PTPRZ1: variants seen among roughly 807,000 people sequenced by gnomAD.
PTPRZ1 encodes the protein protein tyrosine phosphatase receptor type Z1.
In PTPRZ1, 82 loss-of-function variants were observed where a neutral mutation model predicts 214.1. The observed-to-expected ratio is 0.38, with a 90% CI of 0.32 to 0.46. The LOEUF is 0.46. Ranked by LOEUF, PTPRZ1 falls within the 20% of genes least tolerant of loss-of-function variation. PTPRZ1 has a pLI of 1.00. For missense variants in PTPRZ1, 2,603 were observed against 2,748.7 expected, an observed-to-expected ratio of 0.95 and a Z score of 1.19; for synonymous variants, 945 against 987.9, an observed-to-expected ratio of 0.96 and a Z score of 0.81.
chr7:122,013,524 A>G lies in PTPRZ1; in HGVS notation c.4478A>G (p.Asp1493Gly), dbSNP rs142045585. ...EDNRVTSVSS[D>G]SQTGMDRSPG... ...AATAGAGTCACAAGTGTATCCTCAG[A>G]CAGTCAAACTGGTATGGACAGAAGT... Residue 1493 changes from aspartate (D) to glycine (G), a missense_variant, in exon 12 of 30, where the codon GAC becomes GGC. By Grantham distance (94) the Asp-to-Gly change is moderately conservative (BLOSUM62 -1). Transcript: ENST00000393386. 24 of 1,614,086 alleles carry G rather than the reference A, an allele frequency of 1.5e-5. No homozygotes were observed. The highest frequency in any genetic ancestry group is 1.8e-5 in the Non-Finnish European group (21 of 1,180,044).
At chr7:121,960,819 T>TC (rs1237903809) in intron 2 of PTPRZ1, among the ~76,000 whole-genome samples, 3 of 151,766 alleles carry the variant, frequency 2.0e-5, no homozygotes, top group Non-Finnish European at 4.4e-5. Flanking sequence ...TAATGGCTGG[T>TC]GGAGTAACGT....
intron 1 of PTPRZ1, among the ~76,000 whole-genome samples, chr7:121,902,873 C>A (rs1290377319): frequency 6.6e-6 from 1 of 151,928 alleles, no homozygotes; most frequent in Non-Finnish European, 1.5e-5. Context: ...GAAGCAAAAC[C>A]TTATAATACT....
At position 122,008,730 on chromosome 7, in the gene PTPRZ1, A is replaced by T. The variant is rs528630210; in HGVS notation, c.1288-1604A>T. On this transcript the variant is annotated intron_variant, in intron 11 of 29. Transcript: ENST00000393386. Reference sequence around the variant, plus strand: ...TGGAGTGATACCAGAAAACTAGGCAAATATTTAGGTTTGCAAAAACAAGGA... The same window carrying T: ...TGGAGTGATACCAGAAAACTAGGCATATATTTAGGTTTGCAAAAACAAGGA... Among the ~76,000 whole-genome samples, 4 of 152,220 alleles carry T rather than the reference A, an allele frequency of 2.6e-5. No homozygotes were observed. In the East Asian group the frequency reaches 7.7e-4, roughly 29 times the overall value.
intron 2 of PTPRZ1, among the ~76,000 whole-genome samples, chr7:121,929,554 TC>T (rs1795863017): frequency 6.7e-6 from 1 of 149,458 alleles, no homozygotes; most frequent in African/African-American, 2.5e-5. Context: ...AAGCCTGTAA[TC>T]CCAGCACTTT....
Position 121,928,183 on chromosome 7 carries a change from A to G in PTPRZ1, c.86A>G (p.Gln29Arg). The change falls in exon 2 of 30, where the codon CAG becomes CGG. Residue 29 changes from glutamine (Q) to arginine (R), a missense_variant. Gln to Arg is a conservative substitution (Grantham distance 43, BLOSUM62 1). Coordinates refer to ENST00000393386, the MANE Select transcript of PTPRZ1 (RefSeq NM_002851.3). Reference sequence around the variant, plus strand: ...TGGGCTAATGGATACTACAGACAACAGAGAAAACTTGTTGAAGAGATTGGC... The same window carrying G: ...TGGGCTAATGGATACTACAGACAACGGAGAAAACTTGTTGAAGAGATTGGC... Reference protein sequence around the residue: ...LDWANGYYRQQRKLVEEIGWS... With the variant: ...LDWANGYYRQRRKLVEEIGWS... The G allele has an allele frequency of 6.2e-7, 1 of 1,612,674 alleles. No individual in the cohort carries two copies. The highest frequency in any genetic ancestry group is 8.5e-7 in the Non-Finnish European group (1 of 1,178,838).
In PTPRZ1 at chr7:121,984,121, T is replaced by G; in HGVS notation, c.928+4T>G. On this transcript the variant is annotated splice_donor_region_variant and intron_variant, in intron 8 of 29. Coordinates refer to ENST00000393386, the MANE Select transcript of PTPRZ1 (RefSeq NM_002851.3). ...AAGGAAGAGATTCATGAAGCAGGTATGTATTTAAATATAATCTTCTACAAC... is the reference window on the plus strand; with the variant it reads ...AAGGAAGAGATTCATGAAGCAGGTAGGTATTTAAATATAATCTTCTACAAC... The G allele has an allele frequency of 6.2e-7, 1 of 1,608,798 alleles. No homozygotes were observed. The highest frequency in any genetic ancestry group is 2.2e-5 in the East Asian group (1 of 44,732).
At chr7:121,888,322 A>T (rs1450092721) in intron 1 of PTPRZ1, among the ~76,000 whole-genome samples, 19 of 152,000 alleles carry the variant, frequency 1.3e-4, no homozygotes, top group Admixed American at 1.2e-3. Context: ...CATGTAAAAC[A>T]GTAAGGGACT....
intron 1 of PTPRZ1, among the ~76,000 whole-genome samples, chr7:121,909,692 G>A (rs1183312110): frequency 6.6e-6 from 1 of 152,122 alleles, no homozygotes; most frequent in Non-Finnish European, 1.5e-5. Context: ...GGTTTGGAGA[G>A]AATAGAACTA....
chr7:121,891,064 C>T (rs1201284098), intron 1 of PTPRZ1, among the ~76,000 whole-genome samples: 1 of 152,126 alleles, frequency 6.6e-6, no homozygotes, highest in Non-Finnish European at 1.5e-5. Flanking sequence ...CTTTCTGGAT[C>T]ACCAAGGCAC....
At chr7:122,042,892 G>A (rs1799775696) in intron 22 of PTPRZ1, 149 bp downstream of exon 22, 4 of 825,932 alleles carry the variant, frequency 4.8e-6, no homozygotes, top group Non-Finnish European at 7.6e-6. Context: ...TAGTTCTGAT[G>A]TCTGTAGGCC....
intron 18 of PTPRZ1, among the ~76,000 whole-genome samples, chr7:122,038,398 G>T (rs987789140): frequency 6.6e-6 from 1 of 151,744 alleles, no homozygotes; most frequent in African/African-American, 2.4e-5. Flanking sequence ...TTTCAAAGCA[G>T]TGCTATTAAA....
chr7:121,919,019 T>A (rs1312397725), intron 1 of PTPRZ1, among the ~76,000 whole-genome samples: 1 of 152,052 alleles, frequency 6.6e-6, no homozygotes, highest in East Asian at 1.9e-4. Flanking sequence ...ATCATGTTAA[T>A]CTCTGTTAAT....
Position 122,012,198 on chromosome 7 carries a change from A to G in PTPRZ1, c.3152A>G (p.Glu1051Gly). ...AAAAGTGAAATAATATATGGAAATG[A>G]GACTGAACTGCAAATTCCTTCTTTC... The part of the protein sequence containing the change: ...LSKSEIIYGN[E>G]TELQIPSFNE... The change falls in exon 12 of 30, where the codon GAG becomes GGG. Residue 1051 changes from glutamate (E) to glycine (G), a missense_variant. Physicochemically the swap from Glu to Gly is moderately conservative, Grantham distance 98. Around this residue, in one of 6 missense-constraint regions of PTPRZ1, gnomAD observed 1,913 missense variants for 1,914.3 expected, o/e 1.00. Transcript: ENST00000393386. 1 of 1,613,928 alleles carries G rather than the reference A, an allele frequency of 6.2e-7. No individual in the cohort carries two copies. The highest frequency in any genetic ancestry group is 1.3e-5 in the African/African-American group (1 of 75,050).
At chr7:121,886,377 A>G (rs140873107) in intron 1 of PTPRZ1, among the ~76,000 whole-genome samples, 145 of 152,050 alleles carry the variant, frequency 9.5e-4, no homozygotes, top group Non-Finnish European at 1.6e-3. Context: ...TATATCATAT[A>G]TGTTCTTGTT....
In PTPRZ1 at chr7:122,058,892, T is replaced by C. The variant is rs1321230390; in HGVS notation, c.6621T>C (p.Val2207=). ...GTAAAACTTTTGAACTTATAAGTGT[T>C]ATAAAAGAAGAAGCTGCCAATAGGG... is the stretch of plus-strand genomic sequence containing the variant. ...PISKTFELIS[V]IKEEAANRDG... Residue 2207 remains valine (V), a synonymous_variant, in exon 28 of 30, where the codon GTT becomes GTC. Transcript: ENST00000393386. 1 of 1,593,106 alleles carries C rather than the reference T, an allele frequency of 6.3e-7. No homozygotes were observed. The highest frequency in any genetic ancestry group is 8.6e-7 in the Non-Finnish European group (1 of 1,161,260).
intron 1 of PTPRZ1, among the ~76,000 whole-genome samples, chr7:121,897,656 G>T (rs10241977): frequency 0.13 from 19,342 of 152,072 alleles, 1,305 homozygotes; most frequent in East Asian, 0.19. Flanking sequence ...TCTCCACTAA[G>T]AGGGAAACCT....
At position 122,013,065 on chromosome 7, in the gene PTPRZ1, C is replaced by T. The variant is rs753344901; in HGVS notation, c.4019C>T (p.Thr1340Ile). ...LIHSDEILTS[T>I]KSSVTGKVFA... The stretch of plus-strand genomic sequence containing the variant: ...CATTCCGATGAAATTTTAACCTCCA[C>T]CAAAAGTTCTGTTACTGGTAAGGTA... Residue 1340 changes from threonine to isoleucine, a missense_variant, in exon 12 of 30, where the codon ACC (threonine) becomes ATC (isoleucine). Coordinates refer to ENST00000393386, the MANE Select transcript of PTPRZ1 (RefSeq NM_002851.3). 3.7e-6 allele frequency: 6 copies of T among 1,613,586 alleles called. No homozygotes were observed. The South Asian group carries it at 6.6e-5, about 18-fold the overall frequency.
intron 27 of PTPRZ1, 78 bp from the exon 28 acceptor site, chr7:122,058,722 A>C (rs990091351): frequency 6.8e-6 from 9 of 1,314,070 alleles, no homozygotes; most frequent in Non-Finnish European, 8.5e-6. Flanking sequence ...ACCTTACTGT[A>C]ATTCCTGATT....
Position 121,879,977 on chromosome 7 carries a change from T to A in PTPRZ1, c.58+6420T>A, listed in dbSNP as rs182533280. Among the ~76,000 whole-genome samples, 162 of 152,326 alleles carry A rather than the reference T, an allele frequency of 1.1e-3. 1 individual carries two copies. Among genetic ancestry groups the A allele is most frequent in the Non-Finnish European group, 1.7e-3 (118 of 68,028 alleles). On this transcript the variant is annotated intron_variant, in intron 1 of 29. Transcript: ENST00000393386. Reference sequence around the variant, plus strand: ...AACTTAAGTTTGCTCAGCACCTTGATGAAAAGTTTGATAGGGAAGAGATTA... The same window carrying A: ...AACTTAAGTTTGCTCAGCACCTTGAAGAAAAGTTTGATAGGGAAGAGATTA...
Sources: gnomAD v4.1 joint callset for allele counts (sites outside exome capture counted in the v4.1 genomes callset) on GRCh38, gnomAD v4.1.1 for gene constraint, gnomAD v4.1.1 regional missense constraint, MANE v1.5 for transcripts, NCBI Gene and HGNC (gene_info 2026-07-23, HGNC 2026-07-21) for gene names.